Variants in AGBL4 observed in about 807,000 individuals in gnomAD.
AGBL4 encodes the protein AGBL carboxypeptidase 4.
Under a neutral mutation model 66.4 loss-of-function variants are expected in AGBL4, and 58 were observed. The observed-to-expected ratio is 0.87, with a 90% confidence interval of 0.71 to 1.09. The LOEUF is 1.09. AGBL4 is among the 50% of genes least tolerant of loss of function. AGBL4 has a pLI of 0.00. For synonymous variants in AGBL4, 234 were observed against 222.9 expected (o/e 1.05, Z -0.44); for missense variants, 579 against 631.0 (o/e 0.92, Z 0.88).
intron 4 of AGBL4, among the ~76,000 whole-genome samples, chr1:49,069,763 G>A (rs1376959334): frequency 6.6e-6 from 1 of 152,002 alleles, no homozygotes; most frequent in African/African-American, 2.4e-5. Flanking sequence ...TTCTAATTCT[G>A]TGAAGAAAGT....
At chr1:49,098,707 C>A (rs1007355217) in intron 4 of AGBL4, among the ~76,000 whole-genome samples, 1 of 152,158 alleles carries the variant, frequency 6.6e-6, no homozygotes, top group Non-Finnish European at 1.5e-5. Context: ...AAAGGGGCAC[C>A]ACTGGACTAG....
chr1:49,568,028 T>C (rs1644248091), intron 3 of AGBL4, among the ~76,000 whole-genome samples: 1 of 152,208 alleles, frequency 6.6e-6, no homozygotes, highest in Admixed American at 6.5e-5. Flanking sequence ...TGGCAAAAGC[T>C]GGACGAATTC....
intron 3 of AGBL4, among the ~76,000 whole-genome samples, chr1:49,572,220 A>C (rs1644345745): frequency 6.6e-6 from 1 of 152,172 alleles, no homozygotes; most frequent in Non-Finnish European, 1.5e-5. Context: ...TTTGTTCAAA[A>C]AACTTTATTA....
chr1:49,798,857 C>T (rs554246660), intron 2 of AGBL4, among the ~76,000 whole-genome samples: 1 of 152,168 alleles, frequency 6.6e-6, no homozygotes, highest in African/African-American at 2.4e-5. Context: ...AAGTGTTAAT[C>T]ACCATGGAAA....
chr1:49,256,279 T>C (rs1652493019), intron 3 of AGBL4, among the ~76,000 whole-genome samples: 1 of 152,086 alleles, frequency 6.6e-6, no homozygotes, highest in Admixed American at 6.6e-5. Flanking sequence ...ACATCACATA[T>C]ACAACCAAAA....
intron 3 of AGBL4, among the ~76,000 whole-genome samples, chr1:49,651,291 C>T (rs1042005527): frequency 6.6e-6 from 1 of 152,110 alleles, no homozygotes; most frequent in Non-Finnish European, 1.5e-5. Context: ...TCCCCAAGAC[C>T]TCAGCACATC....
chr1:49,134,500 G>C (rs1229104443), intron 4 of AGBL4, among the ~76,000 whole-genome samples: 1 of 98,432 alleles, frequency 1.0e-5, no homozygotes, highest in African/African-American at 3.9e-5. Flanking sequence ...CCCCAGGAAT[G>C]CATTCTTTTC....
chr1:49,411,681 A>G (rs1645317948), intron 3 of AGBL4, among the ~76,000 whole-genome samples: 2 of 116,590 alleles, frequency 1.7e-5, no homozygotes, highest in African/African-American at 3.4e-5. Context: ...TGACTAACAC[A>G]CAGAAAGGGG....
intron 3 of AGBL4, among the ~76,000 whole-genome samples, chr1:49,623,214 G>A (rs1276342351): frequency 2.6e-5 from 4 of 152,120 alleles, no homozygotes; most frequent in East Asian, 1.9e-4. Flanking sequence ...GGAATTGCCC[G>A]AAGTGAGAAA....
rs918332767 is a variant in AGBL4, at chr1:49,871,759, A to T, written c.35-20241T>A. 4.6e-5 allele frequency among the ~76,000 whole-genome samples: 7 copies of T among 152,186 alleles called. No individual in the cohort carries two copies. In the East Asian group the frequency reaches 1.3e-3, roughly 29 times the overall value. On this transcript the variant is annotated intron_variant, in intron 1 of 13. Coordinates refer to ENST00000371839, the MANE Select transcript of AGBL4 (RefSeq NM_032785.4). ...ATTCTGTTATGTCCTAACATATGTT[A>T]TCAGTAGCAATTATGGTTATGATGT...
intron 1 of AGBL4, among the ~76,000 whole-genome samples, chr1:49,929,244 C>T (rs1294388495): frequency 6.6e-6 from 1 of 151,962 alleles, no homozygotes; most frequent in Non-Finnish European, 1.5e-5. Context: ...CAATTGTACT[C>T]CAAACCTCAG....
Position 49,697,297 on chromosome 1 carries a change from C to G in AGBL4, c.282+16G>C. 6.5e-7 allele frequency: 1 copy of G among 1,541,330 alleles called. No individual in the cohort carries two copies. The highest frequency in any genetic ancestry group is 8.8e-7 in the Non-Finnish European group (1 of 1,139,086). Reference sequence around the variant, plus strand: ...CTTACCAAAACCACTCTGAAGGTATCCACTATTTCCCTCACCTGTGATTCT... The same window carrying G: ...CTTACCAAAACCACTCTGAAGGTATGCACTATTTCCCTCACCTGTGATTCT... On this transcript the variant is annotated intron_variant, in intron 3 of 13. Coordinates refer to ENST00000371839, the MANE Select transcript of AGBL4 (RefSeq NM_032785.4).
chr1:48,948,232 G>C (rs930575234), intron 5 of AGBL4, among the ~76,000 whole-genome samples: 2 of 152,176 alleles, frequency 1.3e-5, no homozygotes, highest in African/African-American at 4.8e-5. Flanking sequence ...CTCCCTGCCC[G>C]GGTCCAGTGC....
At chr1:49,668,968 T>C (rs1481898410) in intron 3 of AGBL4, among the ~76,000 whole-genome samples, 1 of 152,280 alleles carries the variant, frequency 6.6e-6, no homozygotes, top group Middle Eastern at 3.4e-3. Flanking sequence ...GGCTGTTTCT[T>C]CATTTGTGCA....
intron 5 of AGBL4, among the ~76,000 whole-genome samples, chr1:48,980,517 C>A (rs1659662468): frequency 1.3e-5 from 2 of 151,596 alleles, no homozygotes; most frequent in Admixed American, 6.6e-5. Flanking sequence ...AAATTATAAA[C>A]TAAAACACAC....
intron 3 of AGBL4, among the ~76,000 whole-genome samples, chr1:49,632,725 G>A (rs1645594387): frequency 6.6e-6 from 1 of 152,144 alleles, no homozygotes; most frequent in East Asian, 1.9e-4. Context: ...AATTGCCTTT[G>A]TCATAGTAAG....
intron 9 of AGBL4, among the ~76,000 whole-genome samples, chr1:48,615,893 C>A (rs1221748962): frequency 6.6e-6 from 1 of 152,144 alleles, no homozygotes; most frequent in East Asian, 1.9e-4. Flanking sequence ...TGGTGAGGAC[C>A]TGGCATTTGC....
At chr1:49,282,752 G>C (rs929073354) in intron 3 of AGBL4, among the ~76,000 whole-genome samples, 1 of 152,206 alleles carries the variant, frequency 6.6e-6, no homozygotes, top group South Asian at 2.1e-4. Context: ...GTCAAAGAAA[G>C]GGGTGACAGA....
chr1:49,731,239 C>T (rs1034421332), intron 2 of AGBL4, among the ~76,000 whole-genome samples: 4 of 152,150 alleles, frequency 2.6e-5, no homozygotes, highest in Non-Finnish European at 5.9e-5. Flanking sequence ...TCTCATTTCT[C>T]CATCAACCCC....
Sources: gnomAD v4.1 joint callset for allele counts (sites outside exome capture counted in the v4.1 genomes callset) on GRCh38, gnomAD v4.1.1 for gene constraint, MANE v1.5 for transcripts, NCBI Gene and HGNC (gene_info 2026-07-23, HGNC 2026-07-21) for gene names.